CAPN8: variants seen among roughly 807,000 people sequenced by gnomAD.
CAPN8 encodes calpain 8.
A neutral mutation model predicts 80.9 loss-of-function variants in CAPN8; 87 were observed. The ratio of observed to expected loss-of-function variants is 1.07; its 90% confidence interval spans 0.90 to 1.28. CAPN8 has a LOEUF of 1.28. Ranked by LOEUF, CAPN8 falls within the 50% of genes most tolerant of loss-of-function variation. The probability of loss-of-function intolerance (pLI) is 0.00; values close to 1 mark genes in which losing one functional copy is unlikely to be tolerated. For synonymous variants in CAPN8, 299 were observed against 273.8 expected, an observed-to-expected ratio of 1.09 and a Z score of -0.91; for missense variants, 757 against 702.0, an observed-to-expected ratio of 1.08 and a Z score of -0.89.
intron 7 of CAPN8, among the ~76,000 whole-genome samples, chr1:223,620,530 T>C (rs1205053419): frequency 6.6e-6 from 1 of 152,152 alleles, no homozygotes; most frequent in Admixed American, 6.5e-5. Context: ...TATGCTCTAA[T>C]TTTTACTCTC....
At chr1:223,659,349 T>A (rs1458513047) in intron 1 of CAPN8, among the ~76,000 whole-genome samples, 1 of 152,172 alleles carries the variant, frequency 6.6e-6, no homozygotes, top group African/African-American at 2.4e-5. Context: ...TATAGCCACA[T>A]TGCTTGACCC....
Position 223,628,659 on chromosome 1 carries a change from T to C in CAPN8, c.426+3A>G. 1 of 1,547,774 alleles carries C rather than the reference T, an allele frequency of 6.5e-7. No individual in the cohort carries two copies. The highest frequency in any genetic ancestry group is 1.4e-5 in the African/African-American group (1 of 73,090). On this transcript the variant is annotated splice_donor_region_variant and intron_variant, in intron 3 of 20. Coordinates refer to ENST00000366872, the MANE Select transcript of CAPN8 (RefSeq NM_001143962.2). Reference sequence around the variant, plus strand: ...AACAAAGGGCCAGAGCAGAGCACAGTACCTGAAAGTGAAAGATTCCCGCAT... The same window carrying C: ...AACAAAGGGCCAGAGCAGAGCACAGCACCTGAAAGTGAAAGATTCCCGCAT...
intron 2 of CAPN8, among the ~76,000 whole-genome samples, chr1:223,630,690 A>T (rs942307049): frequency 2.0e-5 from 3 of 151,796 alleles, no homozygotes; most frequent in African/African-American, 7.3e-5. Flanking sequence ...TTCCTGCCTC[A>T]CTCTCTCACC....
At chr1:223,553,724 C>T (rs1227571893) in intron 14 of CAPN8, 108 bp downstream of exon 14, 1 of 398,072 alleles carries the variant, frequency 2.5e-6, no homozygotes, top group Non-Finnish European at 4.4e-6. Flanking sequence ...AGACCTGAGT[C>T]TCACCCTTTT....
At chr1:223,665,386 T>G in intron 1 of CAPN8, 24 bp downstream of exon 1, 1 of 1,542,016 alleles carries the variant, frequency 6.5e-7, no homozygotes, top group Non-Finnish European at 8.8e-7. Context: ...TGTATGTCAC[T>G]CAACAGCAAG....
At chr1:223,663,742 C>A (rs1206538069) in intron 1 of CAPN8, among the ~76,000 whole-genome samples, 1 of 152,202 alleles carries the variant, frequency 6.6e-6, no homozygotes, top group African/African-American at 2.4e-5. Context: ...GGAAGATGAA[C>A]CACGGTGGGC....
rs1491088654 is a variant in CAPN8 at position 223,549,294 on chromosome 1, AAT to A, written c.1764+22_1764+23del. On this transcript the variant is annotated intron_variant, in intron 16 of 20. Transcript: ENST00000366872. Reference sequence around the variant, plus strand: ...AACCGGACGAAAGTAAAAAAAAAAAAATAATGCAACATTTAAAGGATACATCC... The same window carrying A: ...AACCGGACGAAAGTAAAAAAAAAAAAAATGCAACATTTAAAGGATACATCC... 6.5e-6 allele frequency: 10 copies of A among 1,543,190 alleles called. No homozygotes were observed. The African/African-American group carries it at 6.9e-5, about 11-fold the overall frequency.
chr1:223,644,233 T>A, intron 2 of CAPN8: 1 of 368,184 alleles, frequency 2.7e-6, no homozygotes, highest in Non-Finnish European at 5.3e-6. Flanking sequence ...CATATACTCA[T>A]CAAAACCAAT....
intron 3 of CAPN8, 21 bp from the exon 4 acceptor site, chr1:223,628,163 G>T: frequency 6.5e-7 from 1 of 1,530,632 alleles, no homozygotes; most frequent in Non-Finnish European, 8.8e-7. Context: ...GGGACACAGC[G>T]GCTGCTCACA....
chr1:223,646,167 A>G lies in CAPN8; in HGVS notation c.307+8163T>C, dbSNP rs369005825. Among the ~76,000 whole-genome samples, 4 of 152,378 alleles carry G rather than the reference A, an allele frequency of 2.6e-5. No homozygotes were observed. The East Asian group carries it at 7.7e-4, about 29-fold the overall frequency. ...AACCACAGGGCCAAGAGAAAGCACT[A>G]GAGAAAGAACAGTGTCTGCAAAGGA... On this transcript the variant is annotated intron_variant, in intron 2 of 20. Transcript: ENST00000366872.
intron 2 of CAPN8, 65 bp from the exon 3 acceptor site, chr1:223,628,845 A>C: frequency 7.7e-7 from 1 of 1,296,586 alleles, no homozygotes; most frequent in South Asian, 1.3e-5. Flanking sequence ...GCTTTCTCTG[A>C]CCCTGTCCCA....
At chr1:223,658,740 A>C (rs1250293745) in intron 1 of CAPN8, among the ~76,000 whole-genome samples, 3 of 152,174 alleles carry the variant, frequency 2.0e-5, no homozygotes, top group Non-Finnish European at 1.5e-5. Flanking sequence ...CAGGAGGCGG[A>C]GGTTGCAGTG....
At chr1:223,652,682 T>C (rs1412689551) in intron 2 of CAPN8, among the ~76,000 whole-genome samples, 2 of 152,110 alleles carry the variant, frequency 1.3e-5, no homozygotes, top group Non-Finnish European at 2.9e-5. Flanking sequence ...TCTCCTCTTC[T>C]ACTGGCAAAG....
At chr1:223,651,649 G>A (rs1658345065) in intron 2 of CAPN8, among the ~76,000 whole-genome samples, 1 of 152,218 alleles carries the variant, frequency 6.6e-6, no homozygotes, top group Non-Finnish European at 1.5e-5. Flanking sequence ...TGCGAACAAG[G>A]AGATCCACTG....
intron 2 of CAPN8, among the ~76,000 whole-genome samples, chr1:223,639,014 T>A (rs1049046559): frequency 2.0e-5 from 3 of 152,110 alleles, no homozygotes; most frequent in Non-Finnish European, 4.4e-5. Flanking sequence ...CCAAGGTGGG[T>A]GGATCACCTG....
intron 9 of CAPN8, among the ~76,000 whole-genome samples, chr1:223,619,058 G>A (rs950284500): frequency 1.3e-5 from 2 of 152,162 alleles, no homozygotes; most frequent in Non-Finnish European, 2.9e-5. Flanking sequence ...GCCAGGCATG[G>A]TGGTGCATGC....
Position 223,628,162 on chromosome 1 carries a change from C to A in CAPN8, c.427-20G>T. On this transcript the variant is annotated intron_variant, in intron 3 of 20. Coordinates refer to ENST00000366872, the MANE Select transcript of CAPN8 (RefSeq NM_001143962.2). ...CCAGAACTGGGGAGGGGGGACACAG[C>A]GGCTGCTCACATGAATAAGCAGATG... 6.5e-7 allele frequency: 1 copy of A among 1,529,314 alleles called. No individual in the cohort carries two copies. The highest frequency in any genetic ancestry group is 8.8e-7 in the Non-Finnish European group (1 of 1,133,970). 94.7% of individuals were successfully genotyped at this position (1,529,314 alleles called of 1,614,324 possible).
Position 223,543,094 on chromosome 1 carries a change from CT to C in CAPN8, c.2088+13del. The stretch of plus-strand genomic sequence containing the variant: ...ACCATCAGCCAGCAATTCATCAAAC[CT>C]CAGGACATTCACCTCGGCCAGAGAG... On this transcript the variant is annotated intron_variant, in intron 20 of 20. Coordinates refer to ENST00000366872, the MANE Select transcript of CAPN8 (RefSeq NM_001143962.2). 9.0e-6 allele frequency: 14 copies of C among 1,551,606 alleles called. No individual in the cohort carries two copies. The highest frequency in any genetic ancestry group is 1.2e-5 in the Non-Finnish European group (14 of 1,146,926).
intron 7 of CAPN8, among the ~76,000 whole-genome samples, chr1:223,622,341 G>C (rs1417194098): frequency 6.6e-6 from 1 of 152,168 alleles, no homozygotes; most frequent in Non-Finnish European, 1.5e-5. Flanking sequence ...GGGTAGGAGC[G>C]AGTGCCGCTG....
Sources: gnomAD v4.1 joint callset for allele counts (sites outside exome capture counted in the v4.1 genomes callset) on GRCh38, gnomAD v4.1.1 for gene constraint, MANE v1.5 for transcripts, NCBI Gene and HGNC (gene_info 2026-07-23, HGNC 2026-07-21) for gene names.